PTPRF: variants seen among roughly 807,000 people sequenced by gnomAD.
The protein encoded by PTPRF is receptor-type tyrosine-protein phosphatase F.
A neutral mutation model predicts 201.8 loss-of-function variants in PTPRF; 59 were observed. The ratio of observed to expected loss-of-function variants is 0.29; its 90% CI spans 0.24 to 0.36. PTPRF has a LOEUF of 0.36. PTPRF is among the 10% of genes least tolerant of loss of function. The pLI is 1.00. For missense variants in PTPRF, 2,132 were observed against 2,690.5 expected, an observed-to-expected ratio of 0.79 and a Z score of 4.59; for synonymous variants, 1,088 against 1,089.7, an observed-to-expected ratio of 1.00 and a Z score of 0.03.
At chr1:43,609,630 C>G in intron 22 of PTPRF, 132 bp downstream of exon 22, 1 of 658,178 alleles carries the variant, frequency 1.5e-6, no homozygotes, top group South Asian at 1.9e-5. Context: ...TTCTTCCTTT[C>G]TGCCCTTCTC....
rs1388349820 is a variant in PTPRF, at chr1:43,542,668, G to A, written c.-45-2363G>A. On this transcript the variant is annotated intron_variant, in intron 2 of 33. Coordinates refer to ENST00000359947, the MANE Select transcript of PTPRF (RefSeq NM_002840.5). This position sits in a 1 kb window ranked among gnomAD's most constrained non-coding sequence, Gnocchi z 5.2. ...GCACGTTACACCTCTGCTAATGTAT[G>A]GGGAGTTGCACCCCTGTAATGTCCT... Among the ~76,000 whole-genome samples, 2 of 152,022 alleles carry A rather than the reference G, an allele frequency of 1.3e-5. No individual in the cohort carries two copies. The highest frequency in any genetic ancestry group is 4.8e-5 in the African/African-American group (2 of 41,360).
intron 13 of PTPRF, 31 bp downstream of exon 13, chr1:43,598,944 G>T: frequency 6.2e-7 from 1 of 1,602,050 alleles, no homozygotes; most frequent in Non-Finnish European, 8.5e-7. Flanking sequence ...GGGGTGGCAG[G>T]GTGAGCACAG....
intron 19 of PTPRF, 124 bp downstream of exon 19, chr1:43,605,746 C>T (rs979543829): frequency 2.1e-6 from 2 of 940,992 alleles, no homozygotes; most frequent in South Asian, 1.5e-5. Context: ...TCTCTTCTGG[C>T]TGGCAGCCCG....
In PTPRF at chr1:43,563,610, C is replaced by T. The variant is rs145006967; in HGVS notation, c.380-5980C>T. On this transcript the variant is annotated intron_variant, in intron 5 of 33. Coordinates refer to ENST00000359947, the MANE Select transcript of PTPRF (RefSeq NM_002840.5). ...AGAAATGCCAAGAGAAAAAAGTGTG[C>T]GAAGGAGGAGGAGTGGTCAGCAGGG... Among the ~76,000 whole-genome samples the T allele has an allele frequency of 4.6e-3, 706 of 152,144 alleles. 30 individuals carry two copies. In the East Asian group the frequency reaches 0.095, roughly 20 times the overall value.
chr1:43,617,676 A>G, intron 24 of PTPRF, 60 bp from the exon 25 acceptor site: 2 of 1,600,192 alleles, frequency 1.2e-6, no homozygotes, highest in Non-Finnish European at 1.7e-6. Flanking sequence ...GCACTGAGGC[A>G]TGGTGGGCTG....
chr1:43,620,733 GT>G, intron 31 of PTPRF, 104 bp from the exon 32 acceptor site: 5 of 1,523,792 alleles, frequency 3.3e-6, no homozygotes, highest in Non-Finnish European at 4.5e-6. Context: ...CTCGGGTGCA[GT>G]GACACAGATG....
intron 7 of PTPRF, among the ~76,000 whole-genome samples, chr1:43,581,073 G>C (rs1647481357): frequency 6.6e-6 from 1 of 152,226 alleles, no homozygotes; most frequent in Non-Finnish European, 1.5e-5. Flanking sequence ...ACTGAGCTCA[G>C]CTGCTGTAGC....
In PTPRF at chr1:43,554,110, T is replaced by C. The variant is rs747989466; in HGVS notation, c.379+169T>C. Among the ~76,000 whole-genome samples the C allele has an allele frequency of 2.0e-5, 3 of 152,198 alleles. No homozygotes were observed. Among genetic ancestry groups the C allele is most frequent in the Admixed American group, 1.3e-4 (2 of 15,292 alleles). On this transcript the variant is annotated intron_variant, in intron 5 of 33. Transcript: ENST00000359947. This position sits in a 1 kb window ranked among gnomAD's most constrained non-coding sequence, Gnocchi z 4.1. ...ACAGGGATAGTCATTGGATCTGGCCTGGATTGTGCGGCTTATGCTGAGGCC... is the reference window on the plus strand; with the variant it reads ...ACAGGGATAGTCATTGGATCTGGCCCGGATTGTGCGGCTTATGCTGAGGCC...
At chr1:43,545,643 G>A (rs1051945044) in intron 3 of PTPRF, among the ~76,000 whole-genome samples, 23 of 152,196 alleles carry the variant, frequency 1.5e-4, no homozygotes, top group African/African-American at 5.3e-4. Flanking sequence ...CTTCCCCTAC[G>A]CTGGACCCTC....
chr1:43,544,673 G>C (rs942514897), intron 2 of PTPRF, among the ~76,000 whole-genome samples: 1 of 152,186 alleles, frequency 6.6e-6, no homozygotes, highest in African/African-American at 2.4e-5. Flanking sequence ...GTCCTCTTAT[G>C]GGGGTGAGTT....
chr1:43,615,854 T>G (rs149786448), intron 23 of PTPRF, among the ~76,000 whole-genome samples: 1 of 152,152 alleles, frequency 6.6e-6, no homozygotes, highest in Non-Finnish European at 1.5e-5. Flanking sequence ...CGTGAGCCAC[T>G]GCACCAGGCC....
In PTPRF at chr1:43,619,134, C is replaced by A. The variant is rs1658567115; in HGVS notation, c.4578C>A (p.Ile1526=). 1.2e-6 allele frequency: 2 copies of A among 1,613,896 alleles called. No individual in the cohort carries two copies. The highest frequency in any genetic ancestry group is 4.5e-5 in the East Asian group (2 of 44,846). ...GAGTTCCTGAGTACCCAACTCCCAT[C>A]CTGGCCTTCCTACGACGGGTCAAGG... is the stretch of plus-strand genomic sequence containing the variant. ...DHGVPEYPTP[I]LAFLRRVKAC... Residue 1526 remains isoleucine, a synonymous_variant, in exon 27 of 34, where the codon ATC becomes ATA. Transcript: ENST00000359947.
At chr1:43,606,527 C>A (rs1557840281) in intron 20 of PTPRF, 69 bp downstream of exon 20, 2 of 1,423,216 alleles carry the variant, frequency 1.4e-6, no homozygotes, top group East Asian at 4.6e-5. Flanking sequence ...ATGCCAGTCT[C>A]AAACACCACA....
At chr1:43,608,338 A>T (rs149103154) in intron 21 of PTPRF, among the ~76,000 whole-genome samples, 1 of 152,308 alleles carries the variant, frequency 6.6e-6, no homozygotes, top group East Asian at 1.9e-4. Context: ...CAAGAAAGGT[A>T]GGAGTTGTTC....
chr1:43,621,891 G>C, intron 33 of PTPRF, 44 bp from the exon 34 acceptor site: 1 of 1,582,052 alleles, frequency 6.3e-7, no homozygotes, highest in Non-Finnish European at 8.7e-7. Context: ...TAGTGGGGGT[G>C]TCCACTGGCG....
chr1:43,541,457 A>C lies in PTPRF; in HGVS notation c.-46+3180A>C, dbSNP rs1305066306. Among the ~76,000 whole-genome samples, 3 of 152,246 alleles carry C rather than the reference A, an allele frequency of 2.0e-5. No individual in the cohort carries two copies. The East Asian group carries it at 5.8e-4, about 29-fold the overall frequency. ...GAATCTTCTGTGACGTTCATATGCG[A>C]ATGCTGTGGCTTGGTCTAGTGCCTG... On this transcript the variant is annotated intron_variant, in intron 2 of 33. Transcript: ENST00000359947.
At chr1:43,544,236 A>G (rs1363691878) in intron 2 of PTPRF, among the ~76,000 whole-genome samples, 1 of 151,922 alleles carries the variant, frequency 6.6e-6, no homozygotes, top group Non-Finnish European at 1.5e-5. Context: ...GGGCAAGGGC[A>G]GAAGAGATGT....
upstream of PTPRF, among the ~76,000 whole-genome samples, chr1:43,523,999 G>C (rs939824651): frequency 6.8e-6 from 1 of 146,628 alleles, no homozygotes; most frequent in Non-Finnish European, 1.5e-5. Context: ...GGAGGTGGAG[G>C]TTGCAGTGAG....
intron 11 of PTPRF, among the ~76,000 whole-genome samples, chr1:43,595,152 C>A (rs1651924859): frequency 6.6e-6 from 1 of 152,046 alleles, no homozygotes; most frequent in Non-Finnish European, 1.5e-5. Flanking sequence ...AACAAGGGGA[C>A]CACTATGGCT....
Sources: allele counts gnomAD v4.1 joint callset (sites outside exome capture counted in the v4.1 genomes callset), GRCh38; gene constraint gnomAD v4.1.1; non-coding constraint Gnocchi (gnomAD v3.1); transcripts MANE v1.5; gene names NCBI Gene and HGNC (gene_info 2026-07-23, HGNC 2026-07-21).